CTNND2: variants seen among roughly 807,000 people sequenced by gnomAD.
CTNND2 encodes catenin delta-2.
In CTNND2, 22 loss-of-function variants were observed where a neutral mutation model predicts 144.4. The ratio of observed to expected loss-of-function variants is 0.15; its 90% CI spans 0.11 to 0.22. CTNND2 has a LOEUF of 0.22. CTNND2 is among the 10% of genes least tolerant of loss of function. The probability of loss-of-function intolerance (pLI) is 1.00; values close to 1 mark genes in which losing one functional copy is unlikely to be tolerated. For missense variants in CTNND2, 1,353 were observed against 1,618.8 expected, an observed-to-expected ratio of 0.84 and a Z score of 2.82; for synonymous variants, 751 against 695.6, an observed-to-expected ratio of 1.08 and a Z score of -1.25.
chr5:11,816,303 C>G (rs1792650730), intron 1 of CTNND2, among the ~76,000 whole-genome samples: 1 of 152,072 alleles, frequency 6.6e-6, no homozygotes, highest in South Asian at 2.1e-4. Context: ...GAGCTTGAAA[C>G]TTTTCAGAGA....
At chr5:11,825,108 A>C (rs2126949746) in intron 1 of CTNND2, among the ~76,000 whole-genome samples, 1 of 152,308 alleles carries the variant, frequency 6.6e-6, no homozygotes, top group South Asian at 2.1e-4. Context: ...CTCAAAAAGA[A>C]AAAAAACTAC....
At chr5:11,475,702 T>C (rs945629215) in intron 3 of CTNND2, among the ~76,000 whole-genome samples, 1 of 152,216 alleles carries the variant, frequency 6.6e-6, no homozygotes, top group East Asian at 1.9e-4. Context: ...ATGAAACCTT[T>C]ATATGCCACT....
intron 1 of CTNND2, among the ~76,000 whole-genome samples, chr5:11,788,120 A>T (rs1790930044): frequency 6.6e-6 from 1 of 152,230 alleles, no homozygotes; most frequent in Non-Finnish European, 1.5e-5. Context: ...ATTCCAGTTG[A>T]TGCTTCTCAG....
intron 1 of CTNND2, among the ~76,000 whole-genome samples, chr5:11,887,273 A>G (rs958994953): frequency 1.3e-5 from 2 of 152,104 alleles, no homozygotes; most frequent in African/African-American, 2.4e-5. Context: ...AGGAGCCACC[A>G]CATCCGGCCT....
At chr5:11,016,178 C>T (rs1741581737) in intron 18 of CTNND2, among the ~76,000 whole-genome samples, 1 of 152,190 alleles carries the variant, frequency 6.6e-6, no homozygotes, top group Non-Finnish European at 1.5e-5. Context: ...ATTTTGCTAT[C>T]TGCCGCAGTC....
chr5:11,051,114 T>C (rs532546094), intron 16 of CTNND2, among the ~76,000 whole-genome samples: 2 of 152,364 alleles, frequency 1.3e-5, no homozygotes, highest in Non-Finnish European at 2.9e-5. Context: ...AGCGCATTCA[T>C]TCTTAGTAAA....
chr5:11,870,150 G>C (rs928728135), intron 1 of CTNND2, among the ~76,000 whole-genome samples: 21 of 152,142 alleles, frequency 1.4e-4, no homozygotes, highest in African/African-American at 4.8e-4. Context: ...TTGGGTCCAC[G>C]GAAAGCCTCT....
intron 2 of CTNND2, among the ~76,000 whole-genome samples, chr5:11,606,404 C>T (rs1780044852): frequency 6.6e-6 from 1 of 152,116 alleles, no homozygotes; most frequent in African/African-American, 2.4e-5. Context: ...AAAACTAACA[C>T]AGCAGTGGAA....
At chr5:11,382,595 C>CTGTGTATATGTGTGTGTG (rs755324887) in intron 7 of CTNND2, among the ~76,000 whole-genome samples, 15 of 130,232 alleles carry the variant, frequency 1.2e-4, no homozygotes, top group African/African-American at 3.3e-4. Context: ...GAGTGAGACT[C>CTGTGTATATGTGTGTGTG]TGTGTGTGTG....
At chr5:11,385,342 G>A (rs1758974512) in intron 6 of CTNND2, 113 bp from the exon 7 acceptor site, 7 of 707,644 alleles carry the variant, frequency 9.9e-6, no homozygotes, top group Non-Finnish European at 1.2e-5. Flanking sequence ...GCGGGCGCCC[G>A]GCGGCTCTGC....
At chr5:11,752,075 T>G (rs1006084086) in intron 1 of CTNND2, among the ~76,000 whole-genome samples, 2 of 151,910 alleles carry the variant, frequency 1.3e-5, no homozygotes, top group Non-Finnish European at 2.9e-5. Flanking sequence ...TGCTTGCTAC[T>G]TTAAGTTCCT....
intron 3 of CTNND2, among the ~76,000 whole-genome samples, chr5:11,450,456 C>T (rs986140975): frequency 4.6e-5 from 7 of 152,182 alleles, no homozygotes; most frequent in African/African-American, 1.7e-4. Context: ...ATTATCCATG[C>T]ACCCAATATC....
intron 3 of CTNND2, among the ~76,000 whole-genome samples, chr5:11,492,398 T>C (rs1483035475): frequency 6.6e-6 from 1 of 152,134 alleles, no homozygotes; most frequent in Non-Finnish European, 1.5e-5. Context: ...TTTGTAAGTA[T>C]GTGTAAATAT....
intron 7 of CTNND2, among the ~76,000 whole-genome samples, chr5:11,377,419 T>C (rs951647675): frequency 6.6e-5 from 10 of 152,112 alleles, no homozygotes; most frequent in Non-Finnish European, 1.2e-4. Context: ...TTTTTTGAGG[T>C]GTCCGGGAAA....
intron 16 of CTNND2, among the ~76,000 whole-genome samples, chr5:11,077,685 A>G (rs1749092105): frequency 6.6e-6 from 1 of 152,180 alleles, no homozygotes; most frequent in Non-Finnish European, 1.5e-5. Context: ...TGCCACTGCA[A>G]TAGGAGACCA....
At chr5:10,985,604 T>C (rs1737839523) in intron 20 of CTNND2, among the ~76,000 whole-genome samples, 1 of 152,252 alleles carries the variant, frequency 6.6e-6, no homozygotes, top group Non-Finnish European at 1.5e-5. Context: ...TCAGAGGGAA[T>C]GTTTTCTTGG....
intron 3 of CTNND2, among the ~76,000 whole-genome samples, chr5:11,527,863 CAG>C (rs1252099206): frequency 6.6e-6 from 1 of 152,186 alleles, no homozygotes; most frequent in Non-Finnish European, 1.5e-5. Context: ...GTCTTCCTAA[CAG>C]TTACCCCAGG....
chr5:11,171,780 G>T (rs886209026), intron 11 of CTNND2, among the ~76,000 whole-genome samples: 5 of 152,102 alleles, frequency 3.3e-5, no homozygotes, highest in African/African-American at 1.2e-4. Flanking sequence ...AGGTTCTATG[G>T]GAGAGGGAGG....
At chr5:11,551,584 AT>A (rs891707296) in intron 3 of CTNND2, among the ~76,000 whole-genome samples, 16 of 142,726 alleles carry the variant, frequency 1.1e-4, no homozygotes, top group African/African-American at 3.1e-4. Context: ...ACACCCAACT[AT>A]TTTTTTTTGT....
Sources: gnomAD v4.1 joint callset for allele counts (sites outside exome capture counted in the v4.1 genomes callset) on GRCh38, gnomAD v4.1.1 for gene constraint, MANE v1.5 for transcripts, NCBI Gene and HGNC (gene_info 2026-07-23, HGNC 2026-07-21) for gene names.